DPP8: variants seen among roughly 807,000 people sequenced by gnomAD.
The protein encoded by DPP8 is DPP VIII.
DPP8 carries 31 observed loss-of-function variants against 107.5 expected under a neutral mutation model. That is an observed-to-expected ratio of 0.29 (90% CI 0.22 to 0.39). DPP8 has a LOEUF of 0.39. Ranked by LOEUF, DPP8 falls within the 10% of genes least tolerant of loss-of-function variation. The pLI, the probability that DPP8 is intolerant of heterozygous loss-of-function variation, is 1.00. For synonymous variants in DPP8, 381 were observed against 356.6 expected (o/e 1.07, Z -0.77); for missense variants, 842 against 1,076.1 (o/e 0.78, Z 3.04).
intron 12 of DPP8, among the ~76,000 whole-genome samples, chr15:65,473,325 CAA>C (rs574732255): frequency 2.6e-4 from 25 of 94,712 alleles, no homozygotes; most frequent in Admixed American, 2.4e-4. Flanking sequence ...ACTCCATCTC[CAA>C]AAAAAAAAAA....
At chr15:65,467,351 A>G (rs1213626530) in intron 12 of DPP8, 128 bp from the exon 13 acceptor site, 4 of 835,146 alleles carry the variant, frequency 4.8e-6, no homozygotes, top group Non-Finnish European at 7.4e-6. Context: ...TTTTGCTGCC[A>G]CTATTAATAA....
intron 3 of DPP8, among the ~76,000 whole-genome samples, chr15:65,506,694 G>A (rs1200638844): frequency 6.8e-6 from 1 of 148,128 alleles, no homozygotes; most frequent in Non-Finnish European, 1.5e-5. Flanking sequence ...CCTGGAATCT[G>A]TTTATATATT....
At chr15:65,512,153 C>A in intron 2 of DPP8, 142 bp downstream of exon 2, 1 of 846,432 alleles carries the variant, frequency 1.2e-6, no homozygotes, top group Non-Finnish European at 1.9e-6. Flanking sequence ...AAATCGAATT[C>A]TTCAAATTAT....
At chr15:65,474,361 C>T in intron 11 of DPP8, 73 bp from the exon 12 acceptor site, 3 of 1,134,124 alleles carry the variant, frequency 2.6e-6, no homozygotes, top group Non-Finnish European at 1.3e-6. Context: ...AAGAACAGTA[C>T]TCTAAGCTCT....
intron 12 of DPP8, among the ~76,000 whole-genome samples, chr15:65,470,548 G>A (rs1476681744): frequency 2.7e-5 from 4 of 148,328 alleles, no homozygotes; most frequent in African/African-American, 1.0e-4. Flanking sequence ...AGAGGTTACA[G>A]TGAGCCAACA....
chr15:65,445,247 A>G lies in DPP8; in HGVS notation c.*1637T>C, dbSNP rs1003571986. 7 of 152,200 alleles carry G rather than the reference A, an allele frequency of 4.6e-5. No homozygotes were observed. The highest frequency in any genetic ancestry group is 5.9e-5 in the Non-Finnish European group (4 of 68,030). 9.4% of individuals were successfully genotyped at this position (152,200 alleles called of 1,614,324 possible). On this transcript the variant is annotated 3_prime_UTR_variant, in exon 20 of 20. Transcript: ENST00000300141. ...CTTACTAATGGAGGCTGTGCTCTCTATGGGGAAATCTACTCTCTCTGTAGT... is the reference window on the plus strand; with the variant it reads ...CTTACTAATGGAGGCTGTGCTCTCTGTGGGGAAATCTACTCTCTCTGTAGT...
intron 19 of DPP8, among the ~76,000 whole-genome samples, chr15:65,448,725 A>T (rs926420034): frequency 7.9e-6 from 1 of 127,384 alleles, no homozygotes; most frequent in Non-Finnish European, 1.6e-5. Flanking sequence ...TATATATATA[A>T]AATATACATA....
chr15:65,475,751 T>G, intron 11 of DPP8: 1 of 468,944 alleles, frequency 2.1e-6, no homozygotes, highest in South Asian at 2.0e-5. Flanking sequence ...ATGCCCCATT[T>G]GTTTTGTTTT....
At chr15:65,486,479 C>T (rs993466551) in intron 7 of DPP8, among the ~76,000 whole-genome samples, 2 of 151,804 alleles carry the variant, frequency 1.3e-5, no homozygotes, top group African/African-American at 2.4e-5. Context: ...GGCCTGAGCC[C>T]AGGAGGTGGA....
At chr15:65,488,294 T>C (rs2067634847) in intron 6 of DPP8, among the ~76,000 whole-genome samples, 1 of 152,070 alleles carries the variant, frequency 6.6e-6, no homozygotes, top group South Asian at 2.1e-4. Flanking sequence ...GGCTTAAAAG[T>C]ATTTTTCAGG....
intron 5 of DPP8, among the ~76,000 whole-genome samples, chr15:65,491,239 T>C (rs1267209213): frequency 6.6e-6 from 1 of 152,002 alleles, no homozygotes; most frequent in Non-Finnish European, 1.5e-5. Flanking sequence ...AATCAGATTA[T>C]TGAATAGCAT....
chr15:65,455,854 A>G, intron 16 of DPP8: 2 of 1,295,622 alleles, frequency 1.5e-6, no homozygotes, highest in Non-Finnish European at 2.0e-6. Context: ...GTAGAGAGAA[A>G]GAGGCTTGTC....
intron 16 of DPP8, 109 bp downstream of exon 16, chr15:65,456,115 CT>C (rs2064398104): frequency 4.7e-6 from 6 of 1,265,228 alleles, no homozygotes; most frequent in Non-Finnish European, 6.6e-6. Context: ...TACACTCTCA[CT>C]CACTCATTCA....
intron 5 of DPP8, among the ~76,000 whole-genome samples, chr15:65,491,831 C>T (rs1019648099): frequency 2.6e-5 from 4 of 152,146 alleles, no homozygotes; most frequent in African/African-American, 9.6e-5. Flanking sequence ...CTCCCGGGTT[C>T]ACGCCATTCT....
rs1055043290 is a variant in DPP8, at chr15:65,454,377, T to C, written c.2157A>G (p.Gln719=). 5 of 1,604,866 alleles carry C rather than the reference T, an allele frequency of 3.1e-6. No individual in the cohort carries two copies. In the East Asian group the frequency reaches 6.8e-5, roughly 22 times the overall value. ...TGAAATCATATCGAGAAGCTAGATA[T>C]TGGAGTCCTTCCACCTGATCGTCAA... ...IEIDDQVEGL[Q]YLASRYDFID... is the part of the protein sequence containing the mutation. Residue 719 remains glutamine (Q), a synonymous_variant, in exon 17 of 20, where the codon CAA becomes CAG. Coordinates refer to ENST00000300141, the MANE Select transcript of DPP8 (RefSeq NM_130434.5).
intron 15 of DPP8, among the ~76,000 whole-genome samples, chr15:65,459,749 G>A (rs1036018581): frequency 1.3e-5 from 2 of 152,160 alleles, no homozygotes; most frequent in African/African-American, 2.4e-5. Flanking sequence ...GAGGTCAGGA[G>A]TTCGAGACCA....
intron 3 of DPP8, among the ~76,000 whole-genome samples, chr15:65,504,577 G>A (rs1016381368): frequency 3.0e-4 from 45 of 149,122 alleles, no homozygotes; most frequent in African/African-American, 1.1e-3. Context: ...GCTGAGGCAG[G>A]AGAATCGCTT....
intron 5 of DPP8, among the ~76,000 whole-genome samples, chr15:65,492,757 G>C (rs555737128): frequency 6.6e-6 from 1 of 151,978 alleles, no homozygotes; most frequent in African/African-American, 2.4e-5. Context: ...ACTAAGCCCA[G>C]CTAATTTTTT....
At chr15:65,516,655 A>G (rs1007231288) in intron 1 of DPP8, 1 of 152,222 alleles carries the variant, frequency 6.6e-6, no homozygotes, top group African/African-American at 2.4e-5. Context: ...ATGTTGACTC[A>G]GAAAATAGCT....
Sources: gnomAD v4.1 joint callset for allele counts (sites outside exome capture counted in the v4.1 genomes callset) on GRCh38, gnomAD v4.1.1 for gene constraint, MANE v1.5 for transcripts, NCBI Gene and HGNC (gene_info 2026-07-23, HGNC 2026-07-21) for gene names.